BCOR: variants seen among roughly 807,000 people sequenced by gnomAD.
BCOR encodes the protein BCL6 corepressor.
Under a neutral mutation model 86.7 loss-of-function variants are expected in BCOR, and 10 were observed. The observed-to-expected ratio is 0.12, with a 90% CI of 0.07 to 0.20. The LOEUF (loss-of-function observed/expected upper bound fraction) is 0.20, where lower values mean the gene tolerates loss of function less well. BCOR is among the 10% of genes least tolerant of loss of function. The pLI is 1.00. For synonymous variants in BCOR, 611 were observed against 609.0 expected, an observed-to-expected ratio of 1.00 and a Z score of -0.05; for missense variants, 1,259 against 1,452.1, an observed-to-expected ratio of 0.87 and a Z score of 2.16.
Position 40,072,342 on chromosome X carries a change from G to C in BCOR, c.2997+7C>G, listed in dbSNP as rs1221886369. ...AAAGTAACTGAAATTCAGGTGGGGG[G>C]GCTCACCTGCAATGCCCGTTGCTCC... is the stretch of plus-strand genomic sequence containing the variant. On this transcript the variant is annotated splice_region_variant and intron_variant, in intron 4 of 14. Coordinates refer to ENST00000378444, the MANE Select transcript of BCOR (RefSeq NM_001123385.2). 2 of 1,204,667 alleles carry C rather than the reference G, an allele frequency of 1.7e-6. No homozygotes were observed. Among genetic ancestry groups the C allele is most frequent in the Non-Finnish European group, 2.2e-6 (2 of 891,534 alleles).
At chrX:40,143,482 C>CAT (rs34211608) in intron 1 of BCOR, among the ~76,000 whole-genome samples, 36,513 of 111,476 alleles carry the variant, frequency 0.33, 6,937 homozygotes, top group African/African-American at 0.73. Flanking sequence ...TTACAAGAAA[C>CAT]ATAATTAACA....
chrX:40,101,755 G>C (rs1380788101), upstream of BCOR, among the ~76,000 whole-genome samples: 1 of 112,644 alleles, frequency 8.9e-6, no homozygotes, highest in Admixed American at 9.3e-5. Context: ...TATTTATAAC[G>C]TATACTAGGA....
chrX:40,108,855 G>A (rs1433881327), intron 1 of BCOR, among the ~76,000 whole-genome samples: 1 of 113,167 alleles, frequency 8.8e-6, no homozygotes. Flanking sequence ...GCACGCAGGG[G>A]GTTAAAAGCC....
intron 1 of BCOR, among the ~76,000 whole-genome samples, chrX:40,089,004 G>A (rs1278855303): frequency 9.0e-6 from 1 of 111,640 alleles, no homozygotes; most frequent in Non-Finnish European, 1.9e-5. Context: ...TGCAAACTAC[G>A]GTAACAAAGG....
chrX:40,131,181 C>T (rs1440561844), intron 1 of BCOR, among the ~76,000 whole-genome samples: 1 of 112,168 alleles, frequency 8.9e-6, no homozygotes, highest in Non-Finnish European at 1.9e-5. Flanking sequence ...GCCAGGTGTT[C>T]CCATTCGGAG....
chrX:40,107,118 T>C (rs1937204433), intron 1 of BCOR, among the ~76,000 whole-genome samples: 1 of 112,598 alleles, frequency 8.9e-6, no homozygotes, highest in African/African-American at 3.2e-5. Flanking sequence ...AGTGTTTCTT[T>C]CGTGCGTGTG....
intron 1 of BCOR, among the ~76,000 whole-genome samples, chrX:40,080,261 G>A (rs978830509): frequency 9.2e-6 from 1 of 108,166 alleles, no homozygotes; most frequent in African/African-American, 3.5e-5. Flanking sequence ...GACCAACAAG[G>A]AGAAACCCCG....
intron 1 of BCOR, among the ~76,000 whole-genome samples, chrX:40,140,160 A>AT (rs1170634194): frequency 3.4e-4 from 37 of 109,478 alleles, no homozygotes; most frequent in African/African-American, 5.0e-4. Context: ...TGGCTTAAAA[A>AT]ATATATATAT....
chrX:40,091,728 G>C, intron 1 of BCOR, among the ~76,000 whole-genome samples: 1 of 113,443 alleles, frequency 8.8e-6, no homozygotes, highest in Middle Eastern at 4.6e-3. Context: ...CAGGGCGGCT[G>C]GGGGGAGACC....
intron 1 of BCOR, among the ~76,000 whole-genome samples, chrX:40,171,956 A>T (rs1426466309): frequency 8.9e-6 from 1 of 112,361 alleles, no homozygotes; most frequent in Non-Finnish European, 1.9e-5. Flanking sequence ...AGCCTCTCTC[A>T]ACGCCGGCAA....
intron 1 of BCOR, among the ~76,000 whole-genome samples, chrX:40,108,019 G>A (rs964471665): frequency 8.9e-6 from 1 of 112,916 alleles, no homozygotes; most frequent in African/African-American, 3.2e-5. Context: ...CTCCTTCGGC[G>A]GCCTGGGCCC....
intron 1 of BCOR, among the ~76,000 whole-genome samples, chrX:40,158,398 C>T (rs1246820780): frequency 8.9e-6 from 1 of 111,899 alleles, no homozygotes; most frequent in Admixed American, 9.3e-5. Context: ...CAGGCTGGGC[C>T]GGGGCTGCCG....
chrX:40,055,225 C>T (rs1176502380), intron 12 of BCOR, 143 bp downstream of exon 12: 2 of 595,023 alleles, frequency 3.4e-6, no homozygotes, highest in Non-Finnish European at 2.7e-6. Context: ...TCAAACCACA[C>T]AAAAGTTCAA....
intron 1 of BCOR, among the ~76,000 whole-genome samples, chrX:40,137,015 G>A (rs531206779): frequency 6.4e-4 from 71 of 111,782 alleles, no homozygotes; most frequent in African/African-American, 2.0e-3. Context: ...TCTGGATACC[G>A]TATCAGGGGC....
At chrX:40,121,879 T>G (rs1602240136) in intron 1 of BCOR, among the ~76,000 whole-genome samples, 1 of 112,451 alleles carries the variant, frequency 8.9e-6, no homozygotes, top group East Asian at 2.8e-4. Context: ...GAATGGGCTC[T>G]CTCTCTCCAG....
At chrX:40,132,984 G>GTTAGTGCGTGAACCGGACAGTGAAACT (rs1170538256) in intron 1 of BCOR, among the ~76,000 whole-genome samples, 7 of 112,166 alleles carry the variant, frequency 6.2e-5, no homozygotes, top group African/African-American at 2.3e-4. Flanking sequence ...CCCTGAAGCA[G>GTTAGTGCGTGAACCGGACAGTGAAACT]TTAGTGCGTG....
At chrX:40,080,966 C>T (rs974787192) in intron 1 of BCOR, among the ~76,000 whole-genome samples, 8 of 48,688 alleles carry the variant, frequency 1.6e-4, no homozygotes, top group African/African-American at 6.0e-4. Flanking sequence ...CGTGCACGCA[C>T]GCACACGCGC....
In BCOR at chrX:40,065,525, T is replaced by G. The variant is rs781359051; in HGVS notation, c.3239-926A>C. Among the ~76,000 whole-genome samples the G allele has an allele frequency of 1.9e-4, 21 of 112,406 alleles. No homozygotes were observed. The East Asian group carries it at 5.6e-3, about 30-fold the overall frequency. On this transcript the variant is annotated intron_variant, in intron 6 of 14. Transcript: ENST00000378444. The stretch of plus-strand genomic sequence containing the variant: ...GGCCAGCGCTTGCAAAACCGCTCGT[T>G]CCAGGAACCCTGTGCTCGGCCTATC...
intron 1 of BCOR, among the ~76,000 whole-genome samples, chrX:40,153,072 C>G (rs1448525200): frequency 8.8e-6 from 1 of 113,376 alleles, no homozygotes; most frequent in Non-Finnish European, 1.9e-5. Flanking sequence ...AGCCGTCGGC[C>G]GTGCCAGCTT....
Sources: gnomAD v4.1 joint callset for allele counts (sites outside exome capture counted in the v4.1 genomes callset) on GRCh38, gnomAD v4.1.1 for gene constraint, MANE v1.5 for transcripts, NCBI Gene and HGNC (gene_info 2026-07-23, HGNC 2026-07-21) for gene names.